The following UNC5D variants were observed in gnomAD, a reference collection of about 807,000 sequenced individuals.
UNC5D encodes netrin receptor UNC5D.
A neutral mutation model predicts 105.4 loss-of-function variants in UNC5D; 39 were observed. The observed-to-expected ratio is 0.37, with a 90% CI of 0.29 to 0.48. UNC5D has a LOEUF of 0.48. Among genes scored for constraint, UNC5D ranks in the 20% least tolerant of loss-of-function variants. The probability of loss-of-function intolerance (pLI) is 0.98; values close to 1 mark genes in which losing one functional copy is unlikely to be tolerated. For missense variants in UNC5D, 991 were observed against 1,202.4 expected, an observed-to-expected ratio of 0.82 and a Z score of 2.60; for synonymous variants, 452 against 450.4, an observed-to-expected ratio of 1.00 and a Z score of -0.04.
Position 35,549,304 on chromosome 8 carries a change from G to A in UNC5D, c.116G>A (p.Gly39Asp). 6.2e-7 allele frequency: 1 copy of A among 1,613,038 alleles called. No individual in the cohort carries two copies. The highest frequency in any genetic ancestry group is 1.1e-5 in the South Asian group (1 of 91,026). Residue 39 changes from glycine (G) to aspartate (D), a missense_variant, in exon 2 of 17, where the codon GGC becomes GAC. Gly to Asp is a moderately conservative substitution (Grantham distance 94). Around this residue, in one of 3 missense-constraint regions of UNC5D, gnomAD observed 944 missense variants for 1,131.6 expected, o/e 0.83. Coordinates refer to ENST00000404895, the MANE Select transcript of UNC5D (RefSeq NM_080872.4). ...TTTGATTTCACAGGAACTGACAATG[G>A]CGAAGCCCTTCCCGAATCCATCCCA... Reference protein sequence around the residue: ...GTAAARGTDNGEALPESIPSA... With the variant: ...GTAAARGTDNDEALPESIPSA...
At chr8:35,293,302 T>C (rs190798427) in intron 1 of UNC5D, among the ~76,000 whole-genome samples, 22 of 152,320 alleles carry the variant, frequency 1.4e-4, no homozygotes, top group Non-Finnish European at 2.9e-5. Flanking sequence ...AATGTCTCCA[T>C]AGGCTACTGA....
At chr8:35,469,348 A>G (rs949987480) in intron 1 of UNC5D, among the ~76,000 whole-genome samples, 11 of 152,224 alleles carry the variant, frequency 7.2e-5, no homozygotes, top group Non-Finnish European at 1.6e-4. Flanking sequence ...TAAATGGAAT[A>G]ATGCATGAAA....
intron 1 of UNC5D, among the ~76,000 whole-genome samples, chr8:35,293,858 T>A (rs1468593194): frequency 6.6e-6 from 1 of 152,206 alleles, no homozygotes; most frequent in Non-Finnish European, 1.5e-5. Flanking sequence ...TAATGATCCT[T>A]AAATATCCTA....
At chr8:35,333,172 A>G (rs551044658) in intron 1 of UNC5D, among the ~76,000 whole-genome samples, 1 of 152,090 alleles carries the variant, frequency 6.6e-6, no homozygotes, top group South Asian at 2.1e-4. Context: ...CATCTCTACA[A>G]AAAATTTTTT....
chr8:35,434,209 C>A (rs374734921), intron 1 of UNC5D, among the ~76,000 whole-genome samples: 1 of 151,962 alleles, frequency 6.6e-6, no homozygotes, highest in Non-Finnish European at 1.5e-5. Flanking sequence ...CTCAATTTCA[C>A]GTGGATTTTA....
At chr8:35,478,685 T>G (rs1563456964) in intron 1 of UNC5D, among the ~76,000 whole-genome samples, 2 of 152,174 alleles carry the variant, frequency 1.3e-5, no homozygotes, top group African/African-American at 4.8e-5. Flanking sequence ...TTTAAATGCT[T>G]TTCAATATCA....
chr8:35,329,410 T>G (rs1017989668), intron 1 of UNC5D, among the ~76,000 whole-genome samples: 16 of 138,022 alleles, frequency 1.2e-4, no homozygotes, highest in African/African-American at 3.1e-4. Context: ...GATATATATA[T>G]ATATATATAT....
At chr8:35,719,571 C>T (rs1586522520) in intron 8 of UNC5D, among the ~76,000 whole-genome samples, 1 of 152,270 alleles carries the variant, frequency 6.6e-6, no homozygotes, top group East Asian at 1.9e-4. Context: ...TTGAAGTACC[C>T]AGATCTCATC....
At chr8:35,271,425 ATG>A (rs1269621329) in intron 1 of UNC5D, among the ~76,000 whole-genome samples, 3 of 128,264 alleles carry the variant, frequency 2.3e-5, no homozygotes, top group African/African-American at 5.4e-5. Context: ...ACACACACAT[ATG>A]TGTGTGTATG....
chr8:35,407,499 G>T (rs915194183), intron 1 of UNC5D, among the ~76,000 whole-genome samples: 3 of 150,974 alleles, frequency 2.0e-5, no homozygotes, highest in Non-Finnish European at 4.4e-5. Context: ...AGAAATACAG[G>T]TTTTCATTTG....
intron 2 of UNC5D, among the ~76,000 whole-genome samples, chr8:35,550,445 A>G (rs773619299): frequency 6.6e-6 from 1 of 152,202 alleles, no homozygotes; most frequent in African/African-American, 2.4e-5. Flanking sequence ...TAGATGGTCA[A>G]CTGCTTGACT....
At chr8:35,377,234 G>A (rs1361559710) in intron 1 of UNC5D, among the ~76,000 whole-genome samples, 2 of 152,130 alleles carry the variant, frequency 1.3e-5, no homozygotes, top group African/African-American at 4.8e-5. Flanking sequence ...GGGATGCAGT[G>A]GTCCTTTCAC....
intron 1 of UNC5D, among the ~76,000 whole-genome samples, chr8:35,406,388 A>C (rs1310013939): frequency 6.6e-6 from 1 of 152,148 alleles, no homozygotes; most frequent in Non-Finnish European, 1.5e-5. Flanking sequence ...ATGAAAATGA[A>C]CTTTTCTATG....
At chr8:35,588,361 G>A (rs1183517913) in intron 3 of UNC5D, among the ~76,000 whole-genome samples, 5 of 152,120 alleles carry the variant, frequency 3.3e-5, no homozygotes, top group African/African-American at 1.2e-4. Flanking sequence ...AAAGAGATAT[G>A]GTGGTTATGC....
chr8:35,389,190 G>T (rs949629029), intron 1 of UNC5D, among the ~76,000 whole-genome samples: 10 of 152,178 alleles, frequency 6.6e-5, no homozygotes, highest in Non-Finnish European at 1.5e-5. Flanking sequence ...GTCCATTTCT[G>T]GAGACTTGTA....
intron 1 of UNC5D, among the ~76,000 whole-genome samples, chr8:35,505,566 A>G (rs1397605975): frequency 1.3e-5 from 2 of 152,208 alleles, no homozygotes; most frequent in Non-Finnish European, 2.9e-5. Context: ...GCAAGGGTTT[A>G]TGTAAATAAT....
At chr8:35,237,891 G>A (rs1268377497) in intron 1 of UNC5D, among the ~76,000 whole-genome samples, 2 of 152,148 alleles carry the variant, frequency 1.3e-5, no homozygotes, top group Admixed American at 6.5e-5. Context: ...TGTAATTGGA[G>A]TTTTCAGAAT....
At chr8:35,498,913 T>C (rs2130213297) in intron 1 of UNC5D, among the ~76,000 whole-genome samples, 1 of 152,340 alleles carries the variant, frequency 6.6e-6, no homozygotes, top group East Asian at 1.9e-4. Flanking sequence ...CAACATTTGC[T>C]TCCAAGCATT....
intron 3 of UNC5D, among the ~76,000 whole-genome samples, chr8:35,581,388 G>A (rs1298294919): frequency 6.6e-6 from 1 of 152,016 alleles, no homozygotes; most frequent in Non-Finnish European, 1.5e-5. Flanking sequence ...CATCCACTTG[G>A]ATATCCAGTA....
Sources: gnomAD v4.1 joint callset for allele counts (sites outside exome capture counted in the v4.1 genomes callset) on GRCh38, gnomAD v4.1.1 for gene constraint, gnomAD v4.1.1 regional missense constraint, MANE v1.5 for transcripts, NCBI Gene and HGNC (gene_info 2026-07-23, HGNC 2026-07-21) for gene names.